Variants in PDE4D observed in about 807,000 individuals in gnomAD.
PDE4D encodes the protein 3',5'-cyclic-AMP phosphodiesterase 4D.
Under a neutral mutation model 87.4 loss-of-function variants are expected in PDE4D, and 24 were observed. The observed-to-expected ratio is 0.27, with a 90% confidence interval of 0.20 to 0.39. The LOEUF (loss-of-function observed/expected upper bound fraction) is 0.39. Among genes scored for constraint, PDE4D ranks in the 10% least tolerant of loss-of-function variants. The pLI, the probability that PDE4D is intolerant of heterozygous loss-of-function variation, is 1.00. For missense variants in PDE4D, 714 were observed against 1,041.0 expected (o/e 0.69, Z 4.32); for synonymous variants, 384 against 383.2 (o/e 1.00, Z -0.02).
At position 58,973,186 on chromosome 5, in the gene PDE4D, T is replaced by G. The variant is rs1742916373; in HGVS notation, c.*1478A>C. On this transcript the variant is annotated 3_prime_UTR_variant, in exon 15 of 15. Transcript: ENST00000340635. The stretch of plus-strand genomic sequence containing the variant: ...ATATATTGTTAATATTCTTAAAAAC[T>G]GCCTAGTTGGCTGTTTAACTTTTCT... 1 of 151,892 alleles carries G rather than the reference T, an allele frequency of 6.6e-6. No homozygotes were observed. The highest frequency in any genetic ancestry group is 6.5e-5 in the Admixed American group (1 of 15,286). 9.4% of individuals were successfully genotyped at this position (151,892 alleles called of 1,614,324 possible).
At chr5:60,030,432 G>C (rs1377426997) in intron 2 of PDE4D, among the ~76,000 whole-genome samples, 3 of 152,092 alleles carry the variant, frequency 2.0e-5, no homozygotes, top group Non-Finnish European at 4.4e-5. Context: ...AGTCCGGCCT[G>C]GGCGACAGAG....
intron 1 of PDE4D, among the ~76,000 whole-genome samples, chr5:59,412,080 C>A (rs1792781109): frequency 2.6e-5 from 4 of 152,150 alleles, no homozygotes; most frequent in Admixed American, 1.3e-4. Flanking sequence ...AGGATAAGAA[C>A]AGGAGGCTTT....
intron 1 of PDE4D, among the ~76,000 whole-genome samples, chr5:60,302,702 T>C (rs1358969586): frequency 6.6e-6 from 1 of 152,248 alleles, no homozygotes; most frequent in Non-Finnish European, 1.5e-5. Context: ...TCTTGTCTTC[T>C]GCTAGCTTAG....
intron 2 of PDE4D, among the ~76,000 whole-genome samples, chr5:60,165,172 G>A (rs900833478): frequency 2.0e-5 from 3 of 152,116 alleles, no homozygotes; most frequent in African/African-American, 7.2e-5. Flanking sequence ...CTAACATGAG[G>A]TTCTCCAGGT....
At chr5:59,618,471 G>A (rs1437567257) in intron 1 of PDE4D, among the ~76,000 whole-genome samples, 4 of 152,132 alleles carry the variant, frequency 2.6e-5, no homozygotes, top group Non-Finnish European at 5.9e-5. Flanking sequence ...AACAGGCGTC[G>A]GGTTCTGATG....
chr5:59,621,228 CT>C (rs1830317127), intron 1 of PDE4D, among the ~76,000 whole-genome samples: 1 of 152,186 alleles, frequency 6.6e-6, no homozygotes, highest in Admixed American at 6.6e-5. Context: ...AATTACCACC[CT>C]CTTCCAGAGA....
chr5:59,232,339 A>G (rs1343896069), intron 1 of PDE4D, among the ~76,000 whole-genome samples: 1 of 152,020 alleles, frequency 6.6e-6, no homozygotes, highest in Non-Finnish European at 1.5e-5. Context: ...ACCAAACCAA[A>G]CCCAAATAAT....
chr5:59,117,884 C>G (rs1267224632), intron 5 of PDE4D, among the ~76,000 whole-genome samples: 1 of 151,000 alleles, frequency 6.6e-6, no homozygotes, highest in Non-Finnish European at 1.5e-5. Flanking sequence ...GCATACCACA[C>G]AATAGATTGT....
At chr5:59,929,928 T>C (rs554092264) in intron 3 of PDE4D, among the ~76,000 whole-genome samples, 1 of 152,114 alleles carries the variant, frequency 6.6e-6, no homozygotes, top group African/African-American at 2.4e-5. Flanking sequence ...CTTGAAAAAA[T>C]GTTAGCTTCA....
intron 1 of PDE4D, chr5:60,335,123 T>A (rs908147611): frequency 5.9e-5 from 9 of 152,200 alleles, no homozygotes; most frequent in African/African-American, 2.2e-4. Context: ...ATTTCCAAAT[T>A]CTTCACACTG....
intron 1 of PDE4D, among the ~76,000 whole-genome samples, chr5:60,388,480 G>A (rs143479218): frequency 0.082 from 12,426 of 151,910 alleles, 566 homozygotes; most frequent in African/African-American, 0.1. Flanking sequence ...TGCACCTATT[G>A]ACCCATCCTC....
At chr5:58,978,738 T>C (rs989322156) in intron 11 of PDE4D, among the ~76,000 whole-genome samples, 42 of 152,232 alleles carry the variant, frequency 2.8e-4, no homozygotes, top group African/African-American at 9.4e-4. Context: ...TTGTACAGTA[T>C]TTTTTTGTTA....
intron 1 of PDE4D, among the ~76,000 whole-genome samples, chr5:60,267,140 G>C (rs542990430): frequency 6.6e-6 from 1 of 152,202 alleles, no homozygotes; most frequent in East Asian, 1.9e-4. Flanking sequence ...GTGTGTTTCC[G>C]TTACATTTAC....
intron 1 of PDE4D, among the ~76,000 whole-genome samples, chr5:60,305,376 C>T (rs1754400704): frequency 6.6e-6 from 1 of 151,830 alleles, no homozygotes; most frequent in Non-Finnish European, 1.5e-5. Context: ...TGGGCTTAAG[C>T]ATTATTTAAC....
At chr5:59,477,889 C>A (rs1324329092) in intron 1 of PDE4D, among the ~76,000 whole-genome samples, 1 of 152,038 alleles carries the variant, frequency 6.6e-6, no homozygotes, top group Non-Finnish European at 1.5e-5. Flanking sequence ...ATGTCCTCTG[C>A]AGCAACATGG....
chr5:60,302,991 G>T (rs553238772), intron 1 of PDE4D, among the ~76,000 whole-genome samples: 12 of 151,970 alleles, frequency 7.9e-5, no homozygotes, highest in African/African-American at 2.7e-4. Flanking sequence ...CACACACCCA[G>T]CTACTTTTTG....
At chr5:60,372,789 A>G (rs1394666151) in intron 1 of PDE4D, 1 of 152,280 alleles carries the variant, frequency 6.6e-6, no homozygotes, top group African/African-American at 2.4e-5. Context: ...ACCTCTTAAA[A>G]TTGTTGTGAG....
At chr5:60,082,357 C>T (rs889488049) in intron 2 of PDE4D, among the ~76,000 whole-genome samples, 1 of 152,110 alleles carries the variant, frequency 6.6e-6, no homozygotes, top group Non-Finnish European at 1.5e-5. Context: ...AGAGGAGTGC[C>T]CTCACTAGAC....
intron 5 of PDE4D, among the ~76,000 whole-genome samples, chr5:59,153,523 C>T (rs1485113988): frequency 6.6e-6 from 1 of 152,138 alleles, no homozygotes; most frequent in African/African-American, 2.4e-5. Flanking sequence ...CCCACTTTCT[C>T]AAATAGGAGA....
Sources: allele counts gnomAD v4.1 joint callset (sites outside exome capture counted in the v4.1 genomes callset), GRCh38; gene constraint gnomAD v4.1.1; transcripts MANE v1.5; gene names NCBI Gene and HGNC (gene_info 2026-07-23, HGNC 2026-07-21).